Variants in PCDHGA12 observed in about 807,000 individuals in gnomAD.
PCDHGA12 encodes the protein protocadherin gamma subfamily A, 12, also known as protocadherin gamma-A12.
Under a neutral mutation model 61.1 loss-of-function variants are expected in PCDHGA12, and 43 were observed. That is an observed-to-expected ratio of 0.70 (90% CI 0.55 to 0.91). PCDHGA12 has a LOEUF of 0.91. Among genes scored for constraint, PCDHGA12 ranks in the 40% least tolerant of loss-of-function variants. PCDHGA12 has a pLI of 0.00. For missense variants in PCDHGA12, 1,236 were observed against 1,227.7 expected, an observed-to-expected ratio of 1.01 and a Z score of -0.10; for synonymous variants, 520 against 542.9, an observed-to-expected ratio of 0.96 and a Z score of 0.59.
intron 1 of PCDHGA12, among the ~76,000 whole-genome samples, chr5:141,482,530 C>CAAAAAAAAA (rs3074545): frequency 5.2e-4 from 40 of 76,506 alleles, no homozygotes; most frequent in African/African-American, 1.4e-3. Context: ...GACAGACATG[C>CAAAAAAAAA]AAAAAAAAAA....
Position 141,487,904 on chromosome 5 carries a change from G to A in PCDHGA12, c.2425-6903G>A, listed in dbSNP as rs1229814755. On this transcript the variant is annotated intron_variant, in intron 1 of 3. Coordinates refer to ENST00000252085, the MANE Select transcript of PCDHGA12 (RefSeq NM_003735.3). The surrounding 1 kb of genome is among the most constrained non-coding windows in gnomAD (Gnocchi z 5.0). ...TGTGGAAGCATGATGATGGAATGTG[G>A]GAGCACAGGAGGCTACAGTGCACAG... 8.8e-6 allele frequency: 6 copies of A among 685,686 alleles called. No individual in the cohort carries two copies. The highest frequency in any genetic ancestry group is 1.5e-5 in the Non-Finnish European group (6 of 410,118). 42.5% of individuals were successfully genotyped at this position (685,686 alleles called of 1,614,324 possible). A position where few individuals can be genotyped will look rare whatever the true frequency, so the allele number is the denominator to read the frequency against.
Position 141,485,113 on chromosome 5 carries a change from T to G in PCDHGA12, c.2425-9694T>G. On this transcript the variant is annotated intron_variant, in intron 1 of 3. Transcript: ENST00000252085. This position sits in a 1 kb window ranked among gnomAD's most constrained non-coding sequence, Gnocchi z 5.7. ...AGGTGTCTCCAGCTGCTGTGGCTGTTTGGGGCGGGTCGGCTTCATCCGCGT... is the reference window on the plus strand; with the variant it reads ...AGGTGTCTCCAGCTGCTGTGGCTGTGTGGGGCGGGTCGGCTTCATCCGCGT... 1 of 1,286,014 alleles carries G rather than the reference T, an allele frequency of 7.8e-7. No individual in the cohort carries two copies. Among genetic ancestry groups the G allele is most frequent in the Non-Finnish European group, 1.1e-6 (1 of 898,642 alleles). 79.7% of individuals were successfully genotyped at this position (1,286,014 alleles called of 1,614,324 possible). A position where few individuals can be genotyped will look rare whatever the true frequency, so the allele number is the denominator to read the frequency against.
At chr5:141,438,591 CATATATATATATATATATATAT>C (rs946798767) in intron 1 of PCDHGA12, among the ~76,000 whole-genome samples, 1 of 75,562 alleles carries the variant, frequency 1.3e-5, no homozygotes, top group Middle Eastern at 7.4e-3. Context: ...TACATACATA[CATATATATATATATATATATAT>C]ATATATATAT....
At chr5:141,433,225 GCT>G in intron 1 of PCDHGA12, 42 bp downstream of exon 1, 1 of 1,517,048 alleles carries the variant, frequency 6.6e-7, no homozygotes, top group African/African-American at 1.4e-5. Context: ...TTTTTTAATT[GCT>G]CTGTCTCCCA....
Position 141,432,809 on chromosome 5 carries a change from T to A in PCDHGA12, c.2050T>A (p.Ser684Thr). ...CGGCAGCCTCGAGTCTCCAGCTAAC[T>A]CTGAAACCTCAGACCTCACTCTGTA... is the stretch of plus-strand genomic sequence containing the variant. ...DLGSLESPANSETSDLTLYLV... is the reference protein window; with the variant it reads ...DLGSLESPANTETSDLTLYLV... Residue 684 changes from serine (S) to threonine (T), a missense_variant, in exon 1 of 4, where the codon TCT (serine) becomes ACT (threonine). Coordinates refer to ENST00000252085, the MANE Select transcript of PCDHGA12 (RefSeq NM_003735.3). This position sits in a 1 kb window ranked among gnomAD's most constrained non-coding sequence, Gnocchi z 6.0. The A allele has an allele frequency of 6.2e-7, 1 of 1,613,398 alleles. No homozygotes were observed. Among genetic ancestry groups the A allele is most frequent in the Non-Finnish European group, 8.5e-7 (1 of 1,179,980 alleles).
In PCDHGA12 at chr5:141,511,999, C is replaced by G. The variant is rs1049440139; in HGVS notation, c.*826C>G. ...GTGGATGGTGGGGGCATGGACAAAG[C>G]TTGACACATCAAGTTATCAAGGCCT... is the stretch of plus-strand genomic sequence containing the variant. On this transcript the variant is annotated 3_prime_UTR_variant, in exon 4 of 4. Coordinates refer to ENST00000252085, the MANE Select transcript of PCDHGA12 (RefSeq NM_003735.3). 6.5e-6 allele frequency: 1 copy of G among 153,016 alleles called. No individual in the cohort carries two copies. Among genetic ancestry groups the G allele is most frequent in the Non-Finnish European group, 1.5e-5 (1 of 68,392 alleles). The allele number at this position is 153,016 out of a possible 1,614,324, so 9.5% of individuals were successfully genotyped here. A position where few individuals can be genotyped will look rare whatever the true frequency, so the allele number is the denominator to read the frequency against.
intron 1 of PCDHGA12, among the ~76,000 whole-genome samples, chr5:141,474,862 T>C (rs1281140736): frequency 6.6e-6 from 1 of 152,264 alleles, no homozygotes; most frequent in Non-Finnish European, 1.5e-5. Context: ...CTTCATTTAA[T>C]AGGATAGGAG....
At chr5:141,480,703 C>G (rs577131684) in intron 1 of PCDHGA12, among the ~76,000 whole-genome samples, 1 of 152,134 alleles carries the variant, frequency 6.6e-6, no homozygotes, top group African/African-American at 2.4e-5. Context: ...GGCCACACCC[C>G]GACAAATGAA....
intron 1 of PCDHGA12, among the ~76,000 whole-genome samples, chr5:141,454,836 C>T (rs1201514890): frequency 1.3e-4 from 11 of 85,100 alleles, no homozygotes; most frequent in African/African-American, 2.1e-4. Context: ...GAGACAGAGT[C>T]GCGCTCTGTC....
intron 1 of PCDHGA12, chr5:141,441,801 G>A (rs954094882): frequency 7.8e-6 from 3 of 384,492 alleles, no homozygotes; most frequent in African/African-American, 4.4e-5. Flanking sequence ...CGCACCGCGG[G>A]TGCTGTACCC....
chr5:141,494,234 A>G (rs1299510042), intron 1 of PCDHGA12, among the ~76,000 whole-genome samples: 1 of 152,138 alleles, frequency 6.6e-6, no homozygotes, highest in Non-Finnish European at 1.5e-5. Context: ...CTAAATTAAT[A>G]ATGTATTTAG....
intron 1 of PCDHGA12, among the ~76,000 whole-genome samples, chr5:141,492,438 G>C (rs2099740636): frequency 6.6e-6 from 1 of 152,236 alleles, no homozygotes; most frequent in Non-Finnish European, 1.5e-5. Flanking sequence ...AGGAGTACTC[G>C]TAGCTGATTG....
intron 3 of PCDHGA12, among the ~76,000 whole-genome samples, chr5:141,507,891 C>A (rs1031803854): frequency 6.6e-6 from 1 of 152,208 alleles, no homozygotes; most frequent in African/African-American, 2.4e-5. Flanking sequence ...AGAGAGGTTC[C>A]TGAAGTCCAG....
intron 1 of PCDHGA12, among the ~76,000 whole-genome samples, chr5:141,482,127 T>C (rs2099553382): frequency 6.6e-6 from 1 of 151,774 alleles, no homozygotes; most frequent in African/African-American, 2.4e-5. Flanking sequence ...GGGAGAATCA[T>C]ATGGCTGGCA....
Position 141,486,915 on chromosome 5 carries a change from C to G in PCDHGA12, c.2425-7892C>G. The G allele has an allele frequency of 6.2e-7, 1 of 1,614,244 alleles. No individual in the cohort carries two copies. The highest frequency in any genetic ancestry group is 8.5e-7 in the Non-Finnish European group (1 of 1,180,046). ...GGTTCCTTATGTCCCCAAGCACTGCCTCCATCAGTTGGTGCTGGCCACCTA... is the reference window on the plus strand; with the variant it reads ...GGTTCCTTATGTCCCCAAGCACTGCGTCCATCAGTTGGTGCTGGCCACCTA... On this transcript the variant is annotated intron_variant, in intron 1 of 3. Transcript: ENST00000252085. This position sits in a 1 kb window ranked among gnomAD's most constrained non-coding sequence, Gnocchi z 5.0.
chr5:141,478,385 T>C (rs919846683), intron 1 of PCDHGA12: 1 of 1,613,628 alleles, frequency 6.2e-7, no homozygotes, highest in Non-Finnish European at 8.5e-7. Context: ...GCCGCACCTT[T>C]ACCATCAGGT....
At chr5:141,504,986 AC>A (rs1225847397) in intron 2 of PCDHGA12, among the ~76,000 whole-genome samples, 4 of 151,936 alleles carry the variant, frequency 2.6e-5, no homozygotes, top group Non-Finnish European at 5.9e-5. Context: ...ACATGGTGAA[AC>A]CCCGTCTGTA....
In PCDHGA12 at chr5:141,431,797, A is replaced by T. The variant is rs754056771; in HGVS notation, c.1038A>T (p.Glu346Asp). 6.2e-7 allele frequency: 1 copy of T among 1,614,256 alleles called. No homozygotes were observed. The highest frequency in any genetic ancestry group is 2.2e-5 in the East Asian group (1 of 44,882). ...TGGACGTGAACGACAATGCCCCAGAAGTGGTCCTCACCTCTCTCGCCAGCT... is the reference window on the plus strand; with the variant it reads ...TGGACGTGAACGACAATGCCCCAGATGTGGTCCTCACCTCTCTCGCCAGCT... Reference protein sequence around the residue: ...TVLDVNDNAPEVVLTSLASSV... With the variant: ...TVLDVNDNAPDVVLTSLASSV... Residue 346 changes from glutamate to aspartate, a missense_variant, in exon 1 of 4, where the codon GAA becomes GAT. Coordinates refer to ENST00000252085, the MANE Select transcript of PCDHGA12 (RefSeq NM_003735.3). This position sits in a 1 kb window ranked among gnomAD's most constrained non-coding sequence, Gnocchi z 4.8.
At chr5:141,478,454 A>G (rs766350066) in intron 1 of PCDHGA12, 4 of 1,613,596 alleles carry the variant, frequency 2.5e-6, no homozygotes, top group Non-Finnish European at 3.4e-6. Context: ...TGGTGCAGCC[A>G]GTCCACTGGC....
Sources: allele counts gnomAD v4.1 joint callset (sites outside exome capture counted in the v4.1 genomes callset), GRCh38; gene constraint gnomAD v4.1.1; non-coding constraint Gnocchi (gnomAD v3.1); transcripts MANE v1.5; gene names NCBI Gene and HGNC (gene_info 2026-07-23, HGNC 2026-07-21).